Variants in UGGT1 observed in about 807,000 individuals in gnomAD.
UGGT1 encodes the protein UDP-glucose glycoprotein glucosyltransferase 1.
A neutral mutation model predicts 203.9 loss-of-function variants in UGGT1; 107 were observed. That is an observed-to-expected ratio of 0.52 (90% confidence interval 0.45 to 0.62). The LOEUF (loss-of-function observed/expected upper bound fraction) is 0.62. Among genes scored for constraint, UGGT1 ranks in the 20% least tolerant of loss-of-function variants. UGGT1 has a pLI of 0.00. For missense variants in UGGT1, 1,673 were observed against 1,867.2 expected (o/e 0.90, Z 1.92); for synonymous variants, 628 against 653.5 (o/e 0.96, Z 0.59).
intron 35 of UGGT1, among the ~76,000 whole-genome samples, chr2:128,180,620 A>T (rs1421975899): frequency 2.6e-5 from 4 of 152,264 alleles, no homozygotes. Flanking sequence ...CTGTAAAAAC[A>T]CACACAGAGG....
chr2:128,164,852 A>G (rs976488947), intron 26 of UGGT1, 27 bp downstream of exon 26: 1 of 1,515,178 alleles, frequency 6.6e-7, no homozygotes, highest in South Asian at 1.2e-5. Context: ...GAATTTGTGC[A>G]TATTCTTGAA....
intron 11 of UGGT1, among the ~76,000 whole-genome samples, chr2:128,125,073 C>G (rs1328001444): frequency 6.6e-6 from 1 of 152,138 alleles, no homozygotes; most frequent in Non-Finnish European, 1.5e-5. Context: ...TTGTCAGTCT[C>G]CAGAAAAGGA....
rs947816530 is a variant in UGGT1 at position 128,128,503 on chromosome 2, G to A, written c.1227-526G>A. 3.3e-5 allele frequency among the ~76,000 whole-genome samples: 5 copies of A among 152,118 alleles called. No homozygotes were observed. The South Asian group carries it at 8.3e-4, about 25-fold the overall frequency. On this transcript the variant is annotated intron_variant, in intron 12 of 40. Coordinates refer to ENST00000259253, the MANE Select transcript of UGGT1 (RefSeq NM_020120.4). ...TTTTTTTTGTATTTTTAGTGGAGAT[G>A]GGGTTTCACCATGTTGGCCAGGCTG... is the stretch of plus-strand genomic sequence containing the variant.
At chr2:128,128,998 A>G (rs548505198) in intron 12 of UGGT1, 31 bp from the exon 13 acceptor site, 24 of 1,492,004 alleles carry the variant, frequency 1.6e-5, no homozygotes, top group Non-Finnish European at 2.0e-5. Context: ...TTTTTTTCCT[A>G]GTAAATATCT....
At position 128,097,680 on chromosome 2, in the gene UGGT1, C is replaced by T. The variant is rs1687177357; in HGVS notation, c.194+116C>T. 4 of 1,328,084 alleles carry T rather than the reference C, an allele frequency of 3.0e-6. No homozygotes were observed. In the South Asian group the frequency reaches 5.5e-5, roughly 18 times the overall value. The allele number at this position is 1,328,084 out of a possible 1,614,324, so 82.3% of individuals were successfully genotyped here. ...ATCATCAAATGCATTTATGAAGAGC[C>T]TCTTTCAGTGTATACTGTAGGATGT... is the stretch of plus-strand genomic sequence containing the variant. On this transcript the variant is annotated intron_variant, in intron 2 of 40. Transcript: ENST00000259253.
At chr2:128,145,506 AC>A in intron 17 of UGGT1, 1 of 123,618 alleles carries the variant, frequency 8.1e-6, no homozygotes. Flanking sequence ...ACACAAACAC[AC>A]ACACACACAC....
At chr2:128,139,588 A>AT (rs1689308712) in intron 16 of UGGT1, among the ~76,000 whole-genome samples, 1 of 152,162 alleles carries the variant, frequency 6.6e-6, no homozygotes, top group Non-Finnish European at 1.5e-5. Flanking sequence ...GCTGGGCAGT[A>AT]TTCTGAGGCT....
At chr2:128,102,774 C>T (rs1573495606) in intron 2 of UGGT1, among the ~76,000 whole-genome samples, 1 of 152,184 alleles carries the variant, frequency 6.6e-6, no homozygotes, top group Admixed American at 6.5e-5. Context: ...TCTCACCACA[C>T]TGGTGAGTGT....
At chr2:128,114,971 A>G (rs924043354) in intron 6 of UGGT1, among the ~76,000 whole-genome samples, 153 bp from the exon 7 acceptor site, 2 of 152,212 alleles carry the variant, frequency 1.3e-5, no homozygotes, top group Admixed American at 6.5e-5. Flanking sequence ...TCTTAGCCAT[A>G]TAGTTAATAT....
chr2:128,130,065 A>C (rs1688799304), intron 13 of UGGT1, among the ~76,000 whole-genome samples: 1 of 152,084 alleles, frequency 6.6e-6, no homozygotes, highest in African/African-American at 2.4e-5. Context: ...GATTGAGACC[A>C]GCCTGGCCAA....
Position 128,180,881 on chromosome 2 carries a change from TAAA to T in UGGT1, c.3901-6_3901-4del, listed in dbSNP as rs1439704617. Reference sequence around the variant, plus strand: ...AATGATTATTTGTTGTTCCCATGTCTAAAAATAGGAGTTTATACCTTACATGGC... The same window carrying T: ...AATGATTATTTGTTGTTCCCATGTCTAATAGGAGTTTATACCTTACATGGC... On this transcript the variant is annotated splice_polypyrimidine_tract_variant and splice_region_variant and intron_variant, in intron 35 of 40. Coordinates refer to ENST00000259253, the MANE Select transcript of UGGT1 (RefSeq NM_020120.4). 6.2e-7 allele frequency: 1 copy of T among 1,602,168 alleles called. No homozygotes were observed. The highest frequency in any genetic ancestry group is 1.3e-5 in the African/African-American group (1 of 74,418).
chr2:128,109,623 T>A lies in UGGT1; in HGVS notation c.409-11T>A. The stretch of plus-strand genomic sequence containing the variant: ...AAATTTAAAAAGTATGTGTTGTGTC[T>A]TATGTGACAGATAGCAGCTGATGAA... On this transcript the variant is annotated splice_polypyrimidine_tract_variant and intron_variant, in intron 4 of 40. Coordinates refer to ENST00000259253, the MANE Select transcript of UGGT1 (RefSeq NM_020120.4). 6.2e-7 allele frequency: 1 copy of A among 1,606,766 alleles called. No homozygotes were observed. The highest frequency in any genetic ancestry group is 8.5e-7 in the Non-Finnish European group (1 of 1,173,342).
intron 19 of UGGT1, among the ~76,000 whole-genome samples, chr2:128,154,292 T>C (rs1367623359): frequency 6.6e-6 from 1 of 152,250 alleles, no homozygotes; most frequent in African/African-American, 2.4e-5. Context: ...TTTGAAGGGT[T>C]GTCTCTGGAA....
intron 19 of UGGT1, among the ~76,000 whole-genome samples, 179 bp downstream of exon 19, chr2:128,153,083 AT>A (rs1233432659): frequency 6.7e-6 from 1 of 148,784 alleles, no homozygotes; most frequent in Non-Finnish European, 1.5e-5. Context: ...GAGATTCTAA[AT>A]TCACAAGAGT....
rs997538515 is a variant in UGGT1 at position 128,178,637 on chromosome 2, A to G, written c.3815+68A>G. 20 of 1,413,728 alleles carry G rather than the reference A, an allele frequency of 1.4e-5. No homozygotes were observed. The African/African-American group carries it at 1.4e-4, about 10-fold the overall frequency. 87.6% of individuals were successfully genotyped at this position (1,413,728 alleles called of 1,614,324 possible). ...GGTCAGTGTTCTTATTTAGAGAGGA[A>G]AGGTTTTGTGGGATTCTGCTCATTA... is the stretch of plus-strand genomic sequence containing the variant. On this transcript the variant is annotated intron_variant, in intron 34 of 40. Coordinates refer to ENST00000259253, the MANE Select transcript of UGGT1 (RefSeq NM_020120.4).
chr2:128,163,699 G>A (rs1690644433), intron 25 of UGGT1, among the ~76,000 whole-genome samples: 1 of 147,330 alleles, frequency 6.8e-6, no homozygotes, highest in Non-Finnish European at 1.5e-5. Flanking sequence ...GGGCGATAGA[G>A]TGAGACTCCG....
At chr2:128,108,354 C>G (rs561269902) in intron 4 of UGGT1, among the ~76,000 whole-genome samples, 1 of 152,308 alleles carries the variant, frequency 6.6e-6, no homozygotes, top group South Asian at 2.1e-4. Flanking sequence ...GAGCCAGCAT[C>G]TAATTACAGC....
chr2:128,122,155 G>A (rs966085657), intron 10 of UGGT1, among the ~76,000 whole-genome samples: 9 of 152,086 alleles, frequency 5.9e-5, no homozygotes, highest in Non-Finnish European at 1.3e-4. Context: ...TGTATTTTTA[G>A]TAGAGACAGG....
At chr2:128,107,835 C>A in intron 3 of UGGT1, 103 bp from the exon 4 acceptor site, 1 of 1,501,370 alleles carries the variant, frequency 6.7e-7, no homozygotes, top group Non-Finnish European at 9.0e-7. Context: ...GTAAAACTTG[C>A]CTTCACATAC....
Sources: allele counts gnomAD v4.1 joint callset (sites outside exome capture counted in the v4.1 genomes callset), GRCh38; gene constraint gnomAD v4.1.1; transcripts MANE v1.5; gene names NCBI Gene and HGNC (gene_info 2026-07-23, HGNC 2026-07-21).